SLC38A10: variants seen among roughly 807,000 people sequenced by gnomAD.
SLC38A10 encodes the protein Sodium-coupled neutral amino acid transporter 10.
A neutral mutation model predicts 81.0 loss-of-function variants in SLC38A10; 53 were observed. The ratio of observed to expected loss-of-function variants is 0.65; its 90% confidence interval spans 0.53 to 0.82. The LOEUF (loss-of-function observed/expected upper bound fraction) is 0.82. Among genes scored for constraint, SLC38A10 ranks in the 40% least tolerant of loss-of-function variants. SLC38A10 has a pLI of 0.00. For synonymous variants in SLC38A10, 665 were observed against 655.3 expected (o/e 1.01, Z -0.23); for missense variants, 1,471 against 1,545.0 (o/e 0.95, Z 0.80).
At chr17:81,255,384 T>A (rs1462684941) in intron 11 of SLC38A10, among the ~76,000 whole-genome samples, 2 of 152,194 alleles carry the variant, frequency 1.3e-5, no homozygotes, top group African/African-American at 4.8e-5. Context: ...GCAGTAAAAC[T>A]AACACAAAAC....
At chr17:81,273,752 C>T (rs956581896) in intron 8 of SLC38A10, among the ~76,000 whole-genome samples, 6 of 152,144 alleles carry the variant, frequency 3.9e-5, no homozygotes, top group African/African-American at 7.2e-5. Context: ...GACTTTAGCA[C>T]GAAGACTGTC....
intron 9 of SLC38A10, 45 bp from the exon 10 acceptor site, chr17:81,271,069 T>C (rs773027939): frequency 6.6e-7 from 1 of 1,524,788 alleles, no homozygotes; most frequent in South Asian, 1.1e-5. Context: ...GGAAGGGCTC[T>C]GGGAAGGAGG....
At chr17:81,291,305 A>AC (rs766321317) in intron 1 of SLC38A10, among the ~76,000 whole-genome samples, 38 of 151,568 alleles carry the variant, frequency 2.5e-4, no homozygotes, top group Non-Finnish European at 3.5e-4. Context: ...ACATGGTGAG[A>AC]CCCCCACCTC....
intron 14 of SLC38A10, among the ~76,000 whole-genome samples, chr17:81,250,447 G>T (rs551777622): frequency 6.6e-6 from 1 of 152,238 alleles, no homozygotes; most frequent in South Asian, 2.1e-4. Flanking sequence ...GGCAAGATGC[G>T]CGGGCAGGAA....
In SLC38A10 at chr17:81,295,152, G is replaced by A; in HGVS notation, c.-231C>T. 3.4e-6 allele frequency: 2 copies of A among 595,734 alleles called. No homozygotes were observed. Among genetic ancestry groups the A allele is most frequent in the Non-Finnish European group, 4.6e-6 (2 of 431,172 alleles). The allele number at this position is 595,734 out of a possible 1,614,324, so 36.9% of individuals were successfully genotyped here. A position where few individuals can be genotyped will look rare whatever the true frequency, so the allele number is the denominator to read the frequency against. On this transcript the variant is annotated 5_prime_UTR_variant, in exon 1 of 16. Transcript: ENST00000374759. ...GCTGCGGGGGCGAGGTCAACCTCCG[G>A]ACCCCGCCAAGCCCTGCGGCCGCCT...
Position 81,280,881 on chromosome 17 carries a change from G to A in SLC38A10, c.502-148C>T, listed in dbSNP as rs569945302. On this transcript the variant is annotated intron_variant, in intron 5 of 15. Coordinates refer to ENST00000374759, the MANE Select transcript of SLC38A10 (RefSeq NM_001037984.3). ...GCCCCCCACCACCCTGTGCCGCCCTGTGCCGCCTTGTGCCGCCAGCTGGAG... is the reference window on the plus strand; with the variant it reads ...GCCCCCCACCACCCTGTGCCGCCCTATGCCGCCTTGTGCCGCCAGCTGGAG... 67 of 908,504 alleles carry A rather than the reference G, an allele frequency of 7.4e-5. No individual in the cohort carries two copies. The East Asian group carries it at 1.3e-3, about 18-fold the overall frequency. The allele number at this position is 908,504 out of a possible 1,614,324, so 56.3% of individuals were successfully genotyped here.
In SLC38A10 at chr17:81,275,940, C is replaced by T. The variant is rs372684399; in HGVS notation, c.912+29G>A. On this transcript the variant is annotated intron_variant, in intron 8 of 15. Transcript: ENST00000374759. ...GAAGCGAGCCTGACCTGTGCTATTA[C>T]GATCCGGAGAGTGCCCCGAGGGTCT... 14 of 1,600,066 alleles carry T rather than the reference C, an allele frequency of 8.7e-6. No individual in the cohort carries two copies. In the Middle Eastern group the frequency reaches 5.1e-4, roughly 58 times the overall value.
chr17:81,274,891 C>T (rs2063147285), intron 8 of SLC38A10, among the ~76,000 whole-genome samples: 1 of 152,154 alleles, frequency 6.6e-6, no homozygotes, highest in Admixed American at 6.6e-5. Context: ...AGTGAAAAAA[C>T]CCAGCCTCAC....
rs376959185 is a variant in SLC38A10, at chr17:81,283,508, C to T, written c.264-6G>A. ...CCAGCATCAGCCCGATCATGCTGCA[C>T]AGGGACGGGGGGTACGGGAAATGCC... On this transcript the variant is annotated splice_polypyrimidine_tract_variant and splice_region_variant and intron_variant, in intron 3 of 15. Coordinates refer to ENST00000374759, the MANE Select transcript of SLC38A10 (RefSeq NM_001037984.3). This position sits in a 1 kb window ranked among gnomAD's most constrained non-coding sequence, Gnocchi z 4.7. 3.1e-6 allele frequency: 5 copies of T among 1,606,020 alleles called. No homozygotes were observed. The highest frequency in any genetic ancestry group is 1.1e-5 in the South Asian group (1 of 89,904).
chr17:81,254,105 CT>C (rs1244614078), intron 11 of SLC38A10, among the ~76,000 whole-genome samples: 1 of 152,250 alleles, frequency 6.6e-6, no homozygotes, highest in African/African-American at 2.4e-5. Flanking sequence ...CCATCACCAC[CT>C]CCCTGTCCCA....
intron 10 of SLC38A10, among the ~76,000 whole-genome samples, chr17:81,269,767 C>G (rs1004044547): frequency 6.6e-6 from 1 of 151,986 alleles, no homozygotes; most frequent in Non-Finnish European, 1.5e-5. Context: ...GGTGGATCAC[C>G]TGAGGTCAAG....
At chr17:81,278,865 C>T (rs988354448) in intron 6 of SLC38A10, among the ~76,000 whole-genome samples, 1 of 152,134 alleles carries the variant, frequency 6.6e-6, no homozygotes, top group African/African-American at 2.4e-5. Context: ...CCCACGCACA[C>T]GGGGTGGCCA....
At position 81,276,023 on chromosome 17, in the gene SLC38A10, G is replaced by A. The variant is rs1276606797; in HGVS notation, c.858C>T (p.Pro286=). ...CCTGCCTGCATGGCAGGATCATCAT[G>A]GGGAAGCCCACAGCCACTGACATCA... ...GFMMSVAVGF[P]MMILPCRQAL... The change falls in exon 8 of 16, where the codon CCC becomes CCT. Residue 286 remains proline, a synonymous_variant. Transcript: ENST00000374759. This position sits in a 1 kb window ranked among gnomAD's most constrained non-coding sequence, Gnocchi z 4.7. 6.2e-7 allele frequency: 1 copy of A among 1,613,680 alleles called. No individual in the cohort carries two copies. The highest frequency in any genetic ancestry group is 8.5e-7 in the Non-Finnish European group (1 of 1,180,022).
Position 81,276,131 on chromosome 17 carries a change from G to T in SLC38A10, c.750C>A (p.Val250=). 2 of 1,612,368 alleles carry T rather than the reference G, an allele frequency of 1.2e-6. No individual in the cohort carries two copies. Among genetic ancestry groups the T allele is most frequent in the Non-Finnish European group, 1.7e-6 (2 of 1,179,016 alleles). Residue 250 remains valine, a synonymous_variant, in exon 8 of 16, where the codon GTC becomes GTA. Transcript: ENST00000374759. The surrounding 1 kb of genome is among the most constrained non-coding windows in gnomAD (Gnocchi z 4.7). The part of the protein sequence containing the change: ...FYVMVGFFGY[V]SFTEATAGNV... ...TGCCGGCCGTGGCCTCGGTGAAGCT[G>T]ACGTAGCCGAAAAACCCCACCTGTT... is the stretch of plus-strand genomic sequence containing the variant.
At chr17:81,264,100 A>G (rs9901514) in intron 10 of SLC38A10, 73,925 of 152,318 alleles carry the variant, frequency 0.49, 20,371 homozygotes, top group African/African-American at 0.76. Context: ...GACGTGTGAC[A>G]TAGACAAGGG....
intron 10 of SLC38A10, among the ~76,000 whole-genome samples, chr17:81,260,883 G>C (rs986285618): frequency 4.6e-5 from 7 of 152,238 alleles, no homozygotes; most frequent in African/African-American, 7.2e-5. Flanking sequence ...GAGCGTCCCC[G>C]TCCATGCTGT....
chr17:81,263,258 G>C (rs1199387694), intron 10 of SLC38A10: 1 of 152,302 alleles, frequency 6.6e-6, no homozygotes, highest in African/African-American at 2.4e-5. Flanking sequence ...GGAATCTTTG[G>C]GCTGGGACAA....
chr17:81,268,333 C>G (rs948036965), intron 10 of SLC38A10, among the ~76,000 whole-genome samples: 7 of 139,946 alleles, frequency 5.0e-5, no homozygotes, highest in African/African-American at 2.0e-4. Flanking sequence ...CACTAGAAAA[C>G]AAGACCCCAG....
intron 14 of SLC38A10, among the ~76,000 whole-genome samples, chr17:81,248,788 G>A (rs910694858): frequency 2.0e-5 from 3 of 152,180 alleles, no homozygotes; most frequent in African/African-American, 4.8e-5. Flanking sequence ...CCTGGGCCTC[G>A]CCCAGACCCC....
Sources: gnomAD v4.1 joint callset for allele counts (sites outside exome capture counted in the v4.1 genomes callset) on GRCh38, gnomAD v4.1.1 for gene constraint, Gnocchi (gnomAD v3.1) non-coding constraint, MANE v1.5 for transcripts, NCBI Gene and HGNC (gene_info 2026-07-23, HGNC 2026-07-21) for gene names.